GMCL1: variants seen among roughly 807,000 people sequenced by gnomAD.
GMCL1 encodes germ cell-less 1, spermatogenesis associated, also known as germ cell-less protein-like 1.
Under a neutral mutation model 75.5 loss-of-function variants are expected in GMCL1, and 54 were observed. The observed-to-expected ratio is 0.71, with a 90% CI of 0.57 to 0.90. The LOEUF is 0.90. Among genes scored for constraint, GMCL1 ranks in the 40% least tolerant of loss-of-function variants. The pLI is 0.00. For missense variants in GMCL1, 537 were observed against 622.7 expected (o/e 0.86, Z 1.47); for synonymous variants, 210 against 209.6 (o/e 1.00, Z -0.02).
Position 69,829,991 on chromosome 2 carries a change from C to T in GMCL1, c.99C>T (p.Asp33=). ...ARAGGSARRP[D]TGDDAAGHGF... The stretch of plus-strand genomic sequence containing the variant: ...CGGGGGGCTCGGCCCGGAGGCCGGA[C>T]ACTGGAGACGATGCGGCGGGCCACG... Residue 33 remains aspartate (D), a synonymous_variant, in exon 1 of 14, where the codon GAC becomes GAT. Transcript: ENST00000282570. 1.3e-6 allele frequency: 2 copies of T among 1,580,514 alleles called. No homozygotes were observed. Among genetic ancestry groups the T allele is most frequent in the Non-Finnish European group, 1.7e-6 (2 of 1,163,102 alleles).
chr2:69,870,879 GT>G (rs1447509625), intron 12 of GMCL1, among the ~76,000 whole-genome samples: 1 of 152,166 alleles, frequency 6.6e-6, no homozygotes, highest in Non-Finnish European at 1.5e-5. Context: ...AAAGTAACAG[GT>G]GTTGGCAAGG....
At chr2:69,865,582 A>G (rs1675789330) in intron 11 of GMCL1, among the ~76,000 whole-genome samples, 1 of 152,024 alleles carries the variant, frequency 6.6e-6, no homozygotes, top group African/African-American at 2.4e-5. Flanking sequence ...CGGGAGGCAG[A>G]GGTTGCAGTA....
At position 69,843,150 on chromosome 2, in the gene GMCL1, A is replaced by G; in HGVS notation, c.581A>G (p.Asp194Gly). Reference sequence around the variant, plus strand: ...TCCAGTGCTTATTTATATTTACAGGACGGTTTAATACAGCAGTGTGGTGAG... The same window carrying G: ...TCCAGTGCTTATTTATATTTACAGGGCGGTTTAATACAGCAGTGTGGTGAG... ...ILAAACLLQL[D>G]GLIQQCGETM... Residue 194 changes from aspartate (D) to glycine (G), a missense_variant and splice_region_variant, in exon 5 of 14, where the codon GAC (aspartate) becomes GGC (glycine). Physicochemically the swap from Asp to Gly is moderately conservative, Grantham distance 94. Coordinates refer to ENST00000282570, the MANE Select transcript of GMCL1 (RefSeq NM_178439.5). 6.3e-7 allele frequency: 1 copy of G among 1,591,632 alleles called. No homozygotes were observed. Among genetic ancestry groups the G allele is most frequent in the East Asian group, 2.2e-5 (1 of 44,552 alleles).
At chr2:69,866,454 G>C (rs1439042842) in intron 11 of GMCL1, among the ~76,000 whole-genome samples, 1 of 151,808 alleles carries the variant, frequency 6.6e-6, no homozygotes, top group Non-Finnish European at 1.5e-5. Context: ...ATTTTTAAAA[G>C]TTGATTATTT....
intron 13 of GMCL1, chr2:69,873,570 T>C (rs1676043566): frequency 6.6e-6 from 1 of 152,650 alleles, no homozygotes; most frequent in South Asian, 2.1e-4. Context: ...ACTTAGATGA[T>C]CCCAATTTTT....
rs71397366 is a variant in GMCL1, at chr2:69,838,336, CAAAAAAA to C, written c.384+688_384+694del. On this transcript the variant is annotated intron_variant, in intron 2 of 13. Transcript: ENST00000282570. ...TGGGCAACAGAGCGAGACTCTGTCT[CAAAAAAA>C]AAAAAAAAAAAAAAAAAAAAATCGG... is the stretch of plus-strand genomic sequence containing the variant. Among the ~76,000 whole-genome samples, 290 of 31,506 alleles carry C rather than the reference CAAAAAAA, an allele frequency of 9.2e-3. 1 individual carries two copies. Among genetic ancestry groups the C allele is most frequent in the Non-Finnish European group, 0.015 (248 of 16,206 alleles). 20.7% of individuals were successfully genotyped at this position (31,506 alleles called of 152,430 possible). A position where few individuals can be genotyped will look rare whatever the true frequency, so the allele number is the denominator to read the frequency against.
At chr2:69,857,348 G>T (rs1459387193) in intron 9 of GMCL1, among the ~76,000 whole-genome samples, 3 of 152,144 alleles carry the variant, frequency 2.0e-5, no homozygotes, top group African/African-American at 7.2e-5. Flanking sequence ...GAGTACTGCA[G>T]ATCATCCTAC....
At chr2:69,840,639 G>A (rs1197071001) in intron 3 of GMCL1, among the ~76,000 whole-genome samples, 2 of 152,190 alleles carry the variant, frequency 1.3e-5, no homozygotes, top group African/African-American at 4.8e-5. Context: ...CTACTGAGGA[G>A]TATCTTATAC....
chr2:69,867,428 G>C (rs1675852464), intron 11 of GMCL1, among the ~76,000 whole-genome samples: 2 of 151,782 alleles, frequency 1.3e-5, no homozygotes, highest in South Asian at 4.2e-4. Flanking sequence ...TCCATTTCAG[G>C]CATCCCGTTT....
At chr2:69,853,594 G>A (rs1484239521) in intron 8 of GMCL1, among the ~76,000 whole-genome samples, 1 of 152,088 alleles carries the variant, frequency 6.6e-6, no homozygotes, top group Non-Finnish European at 1.5e-5. Flanking sequence ...ACAGGACTGG[G>A]TATACATACT....
At position 69,854,934 on chromosome 2, in the gene GMCL1, T is replaced by G. The variant is rs1255333022; in HGVS notation, c.1046T>G (p.Ile349Ser). 6.2e-7 allele frequency: 1 copy of G among 1,608,262 alleles called. No individual in the cohort carries two copies. Among genetic ancestry groups the G allele is most frequent in the East Asian group, 2.2e-5 (1 of 44,586 alleles). ...IISDLASARI[I>S]EQDAVVPSEW... ...AGTGATCTGGCTTCTGCAAGAATTA[T>G]TGAACAAGATGCTGTAGTACCTTCA... The change falls in exon 9 of 14, where the codon ATT becomes AGT. Residue 349 changes from isoleucine to serine, a missense_variant. By Grantham distance (142) the Ile-to-Ser change is moderately radical (BLOSUM62 -2). Around this residue, in one of 3 missense-constraint regions of GMCL1, gnomAD observed 345 missense variants for 410.5 expected, o/e 0.84. Transcript: ENST00000282570.
intron 9 of GMCL1, among the ~76,000 whole-genome samples, chr2:69,856,254 A>G (rs1675464885): frequency 6.6e-6 from 1 of 152,222 alleles, no homozygotes; most frequent in African/African-American, 2.4e-5. Flanking sequence ...TAATCAACCT[A>G]AAACTTGATC....
rs1031729796 is a variant in GMCL1, at chr2:69,854,969, A to C, written c.1072+9A>C. 6.3e-7 allele frequency: 1 copy of C among 1,574,964 alleles called. No individual in the cohort carries two copies. Among genetic ancestry groups the C allele is most frequent in the African/African-American group, 1.4e-5 (1 of 73,122 alleles). On this transcript the variant is annotated intron_variant, in intron 9 of 13. Coordinates refer to ENST00000282570, the MANE Select transcript of GMCL1 (RefSeq NM_178439.5). Reference sequence around the variant, plus strand: ...TGCTGTAGTACCTTCAGGTAAGAGAACATAATTTGTAATTTTAAGTAATAT... The same window carrying C: ...TGCTGTAGTACCTTCAGGTAAGAGACCATAATTTGTAATTTTAAGTAATAT...
At chr2:69,873,528 CAT>C (rs1676041733) in intron 13 of GMCL1, 4 of 151,176 alleles carry the variant, frequency 2.6e-5, no homozygotes, top group African/African-American at 4.9e-5. Flanking sequence ...TGGTGAAAAA[CAT>C]ATATATTTAG....
chr2:69,851,322 T>TG (rs1675313367), intron 8 of GMCL1, among the ~76,000 whole-genome samples: 1 of 152,020 alleles, frequency 6.6e-6, no homozygotes, highest in African/African-American at 2.4e-5. Context: ...GGCTGATGCC[T>TG]GTACTCCCAG....
intron 8 of GMCL1, among the ~76,000 whole-genome samples, chr2:69,851,417 G>C (rs6760541): frequency 6.6e-6 from 1 of 152,040 alleles, no homozygotes; most frequent in Non-Finnish European, 1.5e-5. Context: ...GGAGACCAGC[G>C]TGGCCAACAT....
At position 69,849,514 on chromosome 2, in the gene GMCL1, TC is replaced by T. The variant is rs1314128909; in HGVS notation, c.844-137del. 4.3e-5 allele frequency: 24 copies of T among 563,150 alleles called. 1 individual carries two copies. In the South Asian group the frequency reaches 4.9e-4, roughly 11 times the overall value. The allele number at this position is 563,150 out of a possible 1,614,324, so 34.9% of individuals were successfully genotyped here. On this transcript the variant is annotated intron_variant, in intron 7 of 13. Transcript: ENST00000282570. ...AAATTGAGTGCTTATAGTTGTACTTTCTTTCTTGCAATTGCTGGTAAAGTAG... is the reference window on the plus strand; with the variant it reads ...AAATTGAGTGCTTATAGTTGTACTTTTTTCTTGCAATTGCTGGTAAAGTAG...
At chr2:69,862,523 G>C (rs914643202) in intron 10 of GMCL1, among the ~76,000 whole-genome samples, 2 of 152,108 alleles carry the variant, frequency 1.3e-5, no homozygotes, top group African/African-American at 2.4e-5. Context: ...ACTTTGGGAG[G>C]CCGGGGTGGG....
At chr2:69,871,487 T>A (rs755713072) in intron 12 of GMCL1, among the ~76,000 whole-genome samples, 17 of 152,172 alleles carry the variant, frequency 1.1e-4, no homozygotes, top group Non-Finnish European at 2.4e-4. Context: ...ACTATATACT[T>A]TAAAATGGTT....
Sources: allele counts gnomAD v4.1 joint callset (sites outside exome capture counted in the v4.1 genomes callset), GRCh38; gene constraint gnomAD v4.1.1; regional missense constraint gnomAD v4.1.1; transcripts MANE v1.5; gene names NCBI Gene and HGNC (gene_info 2026-07-23, HGNC 2026-07-21).